HECTD4: variants seen among roughly 807,000 people sequenced by gnomAD.
HECTD4 encodes the protein probable E3 ubiquitin-protein ligase HECTD4.
A neutral mutation model predicts 471.5 loss-of-function variants in HECTD4; 114 were observed. That is an observed-to-expected ratio of 0.24 (90% CI 0.21 to 0.28). HECTD4 has a LOEUF of 0.28. Among genes scored for constraint, HECTD4 ranks in the 10% least tolerant of loss-of-function variants. HECTD4 has a pLI of 1.00. For synonymous variants in HECTD4, 2,012 were observed against 2,256.0 expected (o/e 0.89, Z 3.07); for missense variants, 3,866 against 5,651.5 (o/e 0.68, Z 10.13).
chr12:112,197,929 G>A (rs1214277082), intron 55 of HECTD4, among the ~76,000 whole-genome samples: 1 of 152,162 alleles, frequency 6.6e-6, no homozygotes, highest in Non-Finnish European at 1.5e-5. Context: ...TCTGCCTCCT[G>A]GGATCAAGTG....
chr12:112,261,258 TTTC>T, intron 18 of HECTD4, 44 bp downstream of exon 18: 1 of 1,491,888 alleles, frequency 6.7e-7, no homozygotes. Context: ...TAAACAAACT[TTTC>T]TTCCCACAGG....
chr12:112,375,030 G>A (rs972268453), intron 1 of HECTD4, among the ~76,000 whole-genome samples: 6 of 151,770 alleles, frequency 4.0e-5, no homozygotes, highest in African/African-American at 1.2e-4. Context: ...AAGAGCCATC[G>A]CCCCAAAAGT....
chr12:112,224,191 G>T (rs1014456087), intron 44 of HECTD4, among the ~76,000 whole-genome samples: 4 of 152,048 alleles, frequency 2.6e-5, no homozygotes, highest in South Asian at 2.1e-4. Flanking sequence ...AACTGACATA[G>T]GAGTCAGTAA....
intron 1 of HECTD4, among the ~76,000 whole-genome samples, chr12:112,372,291 G>A (rs748881952): frequency 6.6e-6 from 1 of 151,234 alleles, no homozygotes; most frequent in Non-Finnish European, 1.5e-5. Flanking sequence ...ATGGAGTCTC[G>A]CTTTGTCGCC....
In HECTD4 at chr12:112,163,887, G is replaced by A; in HGVS notation, c.12702-150C>T. On this transcript the variant is annotated intron_variant, in intron 73 of 75. Transcript: ENST00000682272. This position sits in a 1 kb window ranked among gnomAD's most constrained non-coding sequence, Gnocchi z 8.2. The stretch of plus-strand genomic sequence containing the variant: ...GTCATCCCAGTCCTTTCCTGCCTCT[G>A]GTGCCGCCGCCTCAGAGCTGCTGTT... The A allele has an allele frequency of 1.2e-6, 1 of 863,762 alleles. No individual in the cohort carries two copies. Among genetic ancestry groups the A allele is most frequent in the African/African-American group, 1.7e-5 (1 of 57,988 alleles). The allele number at this position is 863,762 out of a possible 1,614,324, so 53.5% of individuals were successfully genotyped here.
intron 4 of HECTD4, among the ~76,000 whole-genome samples, chr12:112,311,562 T>C (rs1372652980): frequency 6.9e-6 from 1 of 145,790 alleles, no homozygotes; most frequent in African/African-American, 2.5e-5. Context: ...AGGTCGAGGC[T>C]GCAGTTGTGA....
intron 1 of HECTD4, among the ~76,000 whole-genome samples, chr12:112,326,544 C>T (rs1316519598): frequency 2.0e-5 from 3 of 152,208 alleles, no homozygotes; most frequent in Non-Finnish European, 4.4e-5. Context: ...ATCATTTTAG[C>T]CAATTTACTA....
chr12:112,249,513 T>C (rs2033832463), intron 25 of HECTD4: 1 of 154,052 alleles, frequency 6.5e-6, no homozygotes, highest in Non-Finnish European at 1.4e-5. Context: ...GTTCAGTACA[T>C]ATGGATGTTG....
chr12:112,377,960 A>G (rs1225033407), intron 1 of HECTD4, among the ~76,000 whole-genome samples: 1 of 152,202 alleles, frequency 6.6e-6, no homozygotes, highest in Non-Finnish European at 1.5e-5. Context: ...TTAAAATACT[A>G]AATTCATGTT....
intron 1 of HECTD4, among the ~76,000 whole-genome samples, chr12:112,373,735 T>C (rs1252377933): frequency 6.6e-6 from 1 of 152,048 alleles, no homozygotes; most frequent in African/African-American, 2.4e-5. Flanking sequence ...CTGAGCGCAG[T>C]GGCTCACACA....
At chr12:112,191,933 T>C (rs2032093914) in intron 59 of HECTD4, among the ~76,000 whole-genome samples, 1 of 152,192 alleles carries the variant, frequency 6.6e-6, no homozygotes, top group Non-Finnish European at 1.5e-5. Flanking sequence ...CTGTCAAGCA[T>C]GCCAAGGAGG....
chr12:112,281,268 T>A lies in HECTD4; in HGVS notation c.1528+1842A>T, dbSNP rs545991444. 1.9e-3 allele frequency among the ~76,000 whole-genome samples: 287 copies of A among 152,150 alleles called. 2 individuals are homozygous for A. Among genetic ancestry groups the A allele is most frequent in the African/African-American group, 6.6e-3 (273 of 41,514 alleles). The stretch of plus-strand genomic sequence containing the variant: ...GGACAACATAACAAGACCTCATGTT[T>A]TTTTTAAAAAAAAAAAGTACAATGA... On this transcript the variant is annotated intron_variant, in intron 8 of 75. Coordinates refer to ENST00000682272, the MANE Select transcript of HECTD4 (RefSeq NM_001388303.1).
chr12:112,220,809 C>A (rs1467905026), intron 44 of HECTD4, among the ~76,000 whole-genome samples: 1 of 151,490 alleles, frequency 6.6e-6, no homozygotes, highest in African/African-American at 2.4e-5. Flanking sequence ...AATAAATAAA[C>A]AAGAGATAAG....
At chr12:112,175,907 T>TG in intron 65 of HECTD4, 48 bp from the exon 66 acceptor site, 1 of 1,604,426 alleles carries the variant, frequency 6.2e-7, no homozygotes, top group South Asian at 1.1e-5. Flanking sequence ...CCTGCGCACA[T>TG]CGCGCGCCTC....
chr12:112,308,182 A>C (rs957902371), intron 6 of HECTD4, among the ~76,000 whole-genome samples: 1 of 152,232 alleles, frequency 6.6e-6, no homozygotes, highest in African/African-American at 2.4e-5. Context: ...TACACAGATG[A>C]GTAGGACAGG....
intron 1 of HECTD4, among the ~76,000 whole-genome samples, chr12:112,363,992 C>CAAAAAAAA (rs1175386198): frequency 1.3e-4 from 7 of 52,864 alleles, no homozygotes; most frequent in African/African-American, 1.5e-4. Context: ...ACTCAATCTC[C>CAAAAAAAA]AAAAAAAAAA....
At chr12:112,299,360 A>G (rs2035116189) in intron 7 of HECTD4, among the ~76,000 whole-genome samples, 1 of 152,156 alleles carries the variant, frequency 6.6e-6, no homozygotes, top group African/African-American at 2.4e-5. Context: ...TCACATCTGT[A>G]ATCCCAACAC....
chr12:112,172,258 C>T (rs187735637), intron 67 of HECTD4, among the ~76,000 whole-genome samples: 3 of 152,222 alleles, frequency 2.0e-5, no homozygotes, highest in Non-Finnish European at 4.4e-5. Context: ...GGCCTTCCTG[C>T]AATCCTAGCT....
intron 53 of HECTD4, among the ~76,000 whole-genome samples, chr12:112,204,065 C>T (rs2032505492): frequency 6.6e-6 from 1 of 152,174 alleles, no homozygotes; most frequent in Non-Finnish European, 1.5e-5. Flanking sequence ...TTTTTTGAGA[C>T]AGAGCCTTGC....
Sources: allele counts gnomAD v4.1 joint callset (sites outside exome capture counted in the v4.1 genomes callset), GRCh38; gene constraint gnomAD v4.1.1; non-coding constraint Gnocchi (gnomAD v3.1); transcripts MANE v1.5; gene names NCBI Gene and HGNC (gene_info 2026-07-23, HGNC 2026-07-21).